Variants in L3MBTL4 observed in about 807,000 individuals in gnomAD.
L3MBTL4 encodes L3MBTL histone methyl-lysine binding protein 4, also known as lethal(3)malignant brain tumor-like protein 4.
A neutral mutation model predicts 84.5 loss-of-function variants in L3MBTL4; 70 were observed. The ratio of observed to expected loss-of-function variants is 0.83; its 90% CI spans 0.68 to 1.01. The LOEUF (loss-of-function observed/expected upper bound fraction) is 1.01, where lower values mean the gene tolerates loss of function less well. Ranked by LOEUF, L3MBTL4 falls within the 50% of genes least tolerant of loss-of-function variation. The pLI, the probability that L3MBTL4 is intolerant of heterozygous loss-of-function variation, is 0.00. For synonymous variants in L3MBTL4, 274 were observed against 259.8 expected (o/e 1.05, Z -0.52); for missense variants, 715 against 754.8 (o/e 0.95, Z 0.62).
At chr18:6,076,042 A>G (rs1234904399) in intron 16 of L3MBTL4, among the ~76,000 whole-genome samples, 1 of 152,212 alleles carries the variant, frequency 6.6e-6, no homozygotes, top group Non-Finnish European at 1.5e-5. Flanking sequence ...CTGTGCTGGT[A>G]GGAACATCCT....
chr18:6,216,399 T>A (rs2046328437), intron 10 of L3MBTL4, among the ~76,000 whole-genome samples: 1 of 152,152 alleles, frequency 6.6e-6, no homozygotes, highest in South Asian at 2.1e-4. Flanking sequence ...ATGTTTGTGT[T>A]CTTTCATTCC....
chr18:6,345,184 C>T (rs1599719734), intron 1 of L3MBTL4, among the ~76,000 whole-genome samples: 1 of 77,684 alleles, frequency 1.3e-5, no homozygotes, highest in Non-Finnish European at 2.2e-5. Flanking sequence ...AGCCTGGGCA[C>T]CGATGGTGAA....
intron 1 of L3MBTL4, chr18:6,397,095 A>T (rs2055303613): frequency 6.6e-6 from 1 of 152,264 alleles, no homozygotes; most frequent in Non-Finnish European, 1.5e-5. Flanking sequence ...ATGAACTGAG[A>T]CACCAAAGAC....
rs1270443972 is a variant in L3MBTL4 at position 6,243,338 on chromosome 18, A to C, written c.416T>G (p.Val139Gly). The stretch of plus-strand genomic sequence containing the variant: ...ATGTTTGGTCTTTTCACACCATCCT[A>C]CTGGATGAATGTCAGGGGAACCAGC... ...TNAGSPDIHP[V>G]GWCEKTKHEL... Residue 139 changes from valine (V) to glycine (G), a missense_variant, in exon 7 of 19, where the codon GTA (valine) becomes GGA (glycine). Transcript: ENST00000317931. 6.2e-7 allele frequency: 1 copy of C among 1,605,924 alleles called. No homozygotes were observed. Among genetic ancestry groups the C allele is most frequent in the Non-Finnish European group, 8.5e-7 (1 of 1,176,362 alleles).
intron 5 of L3MBTL4, among the ~76,000 whole-genome samples, chr18:6,261,645 T>C (rs2048404580): frequency 6.6e-6 from 1 of 152,126 alleles, no homozygotes; most frequent in Non-Finnish European, 1.5e-5. Context: ...CCCAACACCA[T>C]CATGAGGATT....
rs1017329919 is a variant in L3MBTL4 at position 6,228,150 on chromosome 18, G to A, written c.784+9814C>T. On this transcript the variant is annotated intron_variant, in intron 10 of 18. Transcript: ENST00000317931. ...TTGTCAATTAATTTTCCATAAAGAT[G>A]CCAAGGTAATTCAAAGGAGAACAAA... is the stretch of plus-strand genomic sequence containing the variant. 2.1e-4 allele frequency among the ~76,000 whole-genome samples: 32 copies of A among 152,162 alleles called. 1 individual carries two copies.
chr18:6,006,794 CAAGT>C (rs2054508012), intron 16 of L3MBTL4, among the ~76,000 whole-genome samples: 1 of 152,030 alleles, frequency 6.6e-6, no homozygotes, highest in Non-Finnish European at 1.5e-5. Context: ...ACAAATAGAC[CAAGT>C]ATTTATGGAA....
chr18:5,978,524 C>A (rs2053060854), intron 16 of L3MBTL4, among the ~76,000 whole-genome samples: 1 of 152,170 alleles, frequency 6.6e-6, no homozygotes, highest in African/African-American at 2.4e-5. Context: ...CCAGCATCAA[C>A]CTGACCAGGA....
intron 10 of L3MBTL4, among the ~76,000 whole-genome samples, chr18:6,225,405 T>A (rs907681271): frequency 3.9e-5 from 6 of 151,996 alleles, no homozygotes; most frequent in African/African-American, 1.4e-4. Flanking sequence ...TGGAGAAAGC[T>A]CCCTTCCAGA....
chr18:6,040,745 AAGAG>A (rs2056364453), intron 16 of L3MBTL4, among the ~76,000 whole-genome samples: 1 of 152,118 alleles, frequency 6.6e-6, no homozygotes, highest in Non-Finnish European at 1.5e-5. Context: ...TAGTCTGAGA[AAGAG>A]AGACACCTGA....
intron 17 of L3MBTL4, among the ~76,000 whole-genome samples, chr18:5,966,876 C>G (rs148751321): frequency 6.6e-6 from 1 of 150,904 alleles, no homozygotes; most frequent in Non-Finnish European, 1.5e-5. Flanking sequence ...GCATTTGGCA[C>G]GTCTCACTTT....
intron 14 of L3MBTL4, 65 bp from the exon 15 acceptor site, chr18:6,093,593 AT>A: frequency 7.3e-7 from 1 of 1,363,552 alleles, no homozygotes; most frequent in Non-Finnish European, 9.9e-7. Context: ...ATCCATTGTC[AT>A]TAGAGCAGAC....
intron 16 of L3MBTL4, among the ~76,000 whole-genome samples, chr18:6,071,593 G>A (rs956566688): frequency 6.7e-6 from 1 of 149,156 alleles, no homozygotes; most frequent in Non-Finnish European, 1.5e-5. Context: ...CCATAATCAC[G>A]CCACTGCTCT....
intron 16 of L3MBTL4, among the ~76,000 whole-genome samples, chr18:5,989,885 G>A (rs534592196): frequency 2.0e-5 from 3 of 152,338 alleles, no homozygotes; most frequent in South Asian, 4.1e-4. Context: ...CAGGCCAAGT[G>A]CAGGGCTGGG....
At chr18:5,982,200 C>T (rs917245291) in intron 16 of L3MBTL4, among the ~76,000 whole-genome samples, 7 of 152,232 alleles carry the variant, frequency 4.6e-5, no homozygotes, top group Admixed American at 1.3e-4. Context: ...GAGCTCCCAC[C>T]GGAGTGAGAC....
At chr18:6,311,900 C>T (rs2050853375) in intron 2 of L3MBTL4, 98 bp downstream of exon 2, 1 of 325,414 alleles carries the variant, frequency 3.1e-6, no homozygotes, top group Admixed American at 4.3e-5. Flanking sequence ...GATATTATTG[C>T]TTTTGGTCTT....
chr18:6,052,570 T>C, intron 16 of L3MBTL4, among the ~76,000 whole-genome samples: 1 of 152,206 alleles, frequency 6.6e-6, no homozygotes, highest in South Asian at 2.1e-4. Flanking sequence ...CAAATATCAG[T>C]CTTCAAACAT....
At chr18:6,069,362 G>A (rs2057504575) in intron 16 of L3MBTL4, among the ~76,000 whole-genome samples, 1 of 152,182 alleles carries the variant, frequency 6.6e-6, no homozygotes, top group East Asian at 1.9e-4. Flanking sequence ...GGTGGCATTT[G>A]CAAAAGAGCA....
intron 16 of L3MBTL4, among the ~76,000 whole-genome samples, chr18:6,072,895 T>A (rs1397483609): frequency 0.15 from 2,337 of 15,890 alleles, 242 homozygotes; most frequent in East Asian, 0.46. Flanking sequence ...TATATATATA[T>A]ATATATATAT....
Sources: gnomAD v4.1 joint callset for allele counts (sites outside exome capture counted in the v4.1 genomes callset) on GRCh38, gnomAD v4.1.1 for gene constraint, MANE v1.5 for transcripts, NCBI Gene and HGNC (gene_info 2026-07-23, HGNC 2026-07-21) for gene names.